The following AKAP12 variants were observed in gnomAD, a reference collection of about 807,000 sequenced individuals.
The protein encoded by AKAP12 is A-kinase anchor protein 12.
A neutral mutation model predicts 79.9 loss-of-function variants in AKAP12; 32 were observed. The observed-to-expected ratio is 0.40, with a 90% CI of 0.30 to 0.54. The LOEUF is 0.54. Ranked by LOEUF, AKAP12 falls within the 20% of genes least tolerant of loss-of-function variation. AKAP12 has a pLI of 0.48. For missense variants in AKAP12, 2,074 were observed against 2,177.0 expected (o/e 0.95, Z 0.94); for synonymous variants, 808 against 857.0 (o/e 0.94, Z 1.00).
chr6:151,351,812 G>T lies in AKAP12; in HGVS notation c.3421G>T (p.Ala1141Ser), dbSNP rs779059655. 10 of 1,614,002 alleles carry T rather than the reference G, an allele frequency of 6.2e-6. No homozygotes were observed. ...ESSELVTTCQ[A>S]ETLAGVKSQE... Reference sequence around the variant, plus strand: ...CAGTGAGCTTGTAACCACTTGTCAAGCCGAAACCTTAGCTGGGGTAAAATC... The same window carrying T: ...CAGTGAGCTTGTAACCACTTGTCAATCCGAAACCTTAGCTGGGGTAAAATC... The change falls in exon 4 of 5, where the codon GCC becomes TCC. Residue 1141 changes from alanine (A) to serine (S), a missense_variant. Ala to Ser is a moderately conservative substitution (Grantham distance 99). Around this residue, in one of 3 missense-constraint regions of AKAP12, gnomAD observed 1,428 missense variants for 1,451.0 expected, o/e 0.98. Coordinates refer to ENST00000402676, the MANE Select transcript of AKAP12 (RefSeq NM_005100.4). The surrounding 1 kb of genome is among the most constrained non-coding windows in gnomAD (Gnocchi z 4.4).
intron 3 of AKAP12, chr6:151,325,713 CT>C (rs1288208531): frequency 1.2e-5 from 18 of 1,486,962 alleles, no homozygotes; most frequent in Non-Finnish European, 1.6e-5. Context: ...ACCTCCGGTT[CT>C]CCCCCATCCT....
At chr6:151,315,167 CTG>C (rs1462381487) in intron 3 of AKAP12, among the ~76,000 whole-genome samples, 1 of 152,078 alleles carries the variant, frequency 6.6e-6, no homozygotes, top group African/African-American at 2.4e-5. Context: ...ATTATTTTAG[CTG>C]TGTCTTAGTC....
At chr6:151,338,173 C>T (rs1562746409) in intron 3 of AKAP12, among the ~76,000 whole-genome samples, 1 of 152,154 alleles carries the variant, frequency 6.6e-6, no homozygotes, top group Non-Finnish European at 1.5e-5. Context: ...TTATCAATAT[C>T]ATACATTTAC....
chr6:151,261,337 C>T (rs1303371644), intron 2 of AKAP12, among the ~76,000 whole-genome samples: 3 of 151,760 alleles, frequency 2.0e-5, no homozygotes, highest in Non-Finnish European at 4.4e-5. Context: ...TGCCACTGCA[C>T]TACAGCCTGG....
At chr6:151,341,486 C>T (rs2114809008) in intron 3 of AKAP12, among the ~76,000 whole-genome samples, 1 of 152,272 alleles carries the variant, frequency 6.6e-6, no homozygotes, top group East Asian at 1.9e-4. Flanking sequence ...CGCAGGACCC[C>T]CGGGGGTTTC....
chr6:151,261,815 TGGCGTGAGCTC>T lies in AKAP12; in HGVS notation c.162+21095_162+21105del, dbSNP rs538560205. 1.5e-3 allele frequency among the ~76,000 whole-genome samples: 217 copies of T among 149,040 alleles called. 1 individual carries two copies. Among genetic ancestry groups the T allele is most frequent in the Non-Finnish European group, 2.4e-3 (163 of 67,364 alleles). ...TCTTGTTCCCCAGGGTGGAGTGCAA[TGGCGTGAGCTC>T]GGCTCACTGCAACCTCCTGTTAAGA... On this transcript the variant is annotated intron_variant, in intron 2 of 4. Coordinates refer to ENST00000402676, the MANE Select transcript of AKAP12 (RefSeq NM_005100.4).
chr6:151,277,613 C>G lies in AKAP12; in HGVS notation c.163-28134C>G, dbSNP rs547202149. Among the ~76,000 whole-genome samples the G allele has an allele frequency of 4.6e-5, 7 of 152,264 alleles. No homozygotes were observed. In the South Asian group the frequency reaches 1.5e-3, roughly 32 times the overall value. On this transcript the variant is annotated intron_variant, in intron 2 of 4. Coordinates refer to ENST00000402676, the MANE Select transcript of AKAP12 (RefSeq NM_005100.4). ...TAACTATTAGGGCTTACAAAATGAT[C>G]AGGTTTAAACCTGCAAGCAGACTCT... is the stretch of plus-strand genomic sequence containing the variant.
At chr6:151,303,000 A>T (rs892672613) in intron 2 of AKAP12, among the ~76,000 whole-genome samples, 7 of 151,868 alleles carry the variant, frequency 4.6e-5, no homozygotes, top group African/African-American at 1.7e-4. Context: ...GTTGGAGACC[A>T]GCCTGGCCAA....
At chr6:151,279,423 T>G (rs9478193) in intron 2 of AKAP12, among the ~76,000 whole-genome samples, 8,005 of 151,898 alleles carry the variant, frequency 0.053, 316 homozygotes, top group Middle Eastern at 0.092. Flanking sequence ...TTTTAAATTT[T>G]TGTGTGTGTG....
intron 3 of AKAP12, among the ~76,000 whole-genome samples, chr6:151,335,576 A>G (rs1338999146): frequency 6.6e-6 from 1 of 152,062 alleles, no homozygotes; most frequent in African/African-American, 2.4e-5. Context: ...AGTTCAAGCA[A>G]TCCTCCTGCC....
chr6:151,316,654 A>G (rs1777242082), intron 3 of AKAP12, among the ~76,000 whole-genome samples: 2 of 152,084 alleles, frequency 1.3e-5, no homozygotes, highest in South Asian at 4.2e-4. Flanking sequence ...TTTTTGAGAC[A>G]CGGTATCGCT....
intron 2 of AKAP12, among the ~76,000 whole-genome samples, chr6:151,250,715 C>T (rs950031186): frequency 1.3e-5 from 2 of 151,226 alleles, no homozygotes; most frequent in African/African-American, 2.4e-5. Flanking sequence ...ACGCCATTCT[C>T]CTGCCTCAGC....
intron 2 of AKAP12, among the ~76,000 whole-genome samples, chr6:151,251,682 A>G (rs769670260): frequency 2.6e-5 from 4 of 152,154 alleles, no homozygotes; most frequent in Non-Finnish European, 4.4e-5. Flanking sequence ...CTTGATAATA[A>G]CAACTTGGGA....
chr6:151,352,462 G>A lies in AKAP12; in HGVS notation c.4071G>A (p.Lys1357=), dbSNP rs1229321120. The change falls in exon 4 of 5, where the codon AAG becomes AAA. Residue 1357 remains lysine, a synonymous_variant. Transcript: ENST00000402676. ...AGCCAACCCATGTGAATGAAGAGAA[G>A]CTTGAGCACGAAACAGCTGTTACCG... ...EAEPTHVNEE[K]LEHETAVTVS... The A allele has an allele frequency of 1.2e-6, 2 of 1,614,084 alleles. No homozygotes were observed. Among genetic ancestry groups the A allele is most frequent in the African/African-American group, 2.7e-5 (2 of 74,918 alleles).
At chr6:151,347,302 G>A (rs1778126226) in intron 3 of AKAP12, among the ~76,000 whole-genome samples, 1 of 152,224 alleles carries the variant, frequency 6.6e-6, no homozygotes, top group Non-Finnish European at 1.5e-5. Flanking sequence ...GACCTGTTGA[G>A]GTCGGACTTA....
At chr6:151,287,419 C>G (rs564615492) in intron 2 of AKAP12, among the ~76,000 whole-genome samples, 2 of 152,112 alleles carry the variant, frequency 1.3e-5, no homozygotes, top group East Asian at 3.9e-4. Flanking sequence ...AGTCAGCACG[C>G]CCAGCCAATT....
intron 3 of AKAP12, chr6:151,319,527 GATATATAT>G (rs146314242): frequency 9.9e-6 from 1 of 101,272 alleles, no homozygotes; most frequent in South Asian, 3.0e-4. Flanking sequence ...TCTCTATATA[GATATATAT>G]ATATAGATAT....
chr6:151,298,591 C>T (rs929542287), intron 2 of AKAP12, among the ~76,000 whole-genome samples: 3 of 151,896 alleles, frequency 2.0e-5, no homozygotes, highest in African/African-American at 7.3e-5. Flanking sequence ...GTCAGGAGTT[C>T]GAGACCAACC....
At chr6:151,348,274 G>A (rs529837781) in intron 3 of AKAP12, 11 of 432,238 alleles carry the variant, frequency 2.5e-5, no homozygotes, top group African/African-American at 1.0e-4. Context: ...GCAGTGAACC[G>A]AGATCGTGCC....
Sources: gnomAD v4.1 joint callset for allele counts (sites outside exome capture counted in the v4.1 genomes callset) on GRCh38, gnomAD v4.1.1 for gene constraint, gnomAD v4.1.1 regional missense constraint, Gnocchi (gnomAD v3.1) non-coding constraint, MANE v1.5 for transcripts, NCBI Gene and HGNC (gene_info 2026-07-23, HGNC 2026-07-21) for gene names.